Variants in ZNF626 observed in about 807,000 individuals in gnomAD.
ZNF626 encodes the protein zinc finger protein 626, also known as CTC-513N18.7.
In ZNF626, 4 loss-of-function variants were observed where a neutral mutation model predicts 11.7. The observed-to-expected ratio is 0.34, with a 90% CI of 0.17 to 0.78. The LOEUF is 0.78. ZNF626 is among the 30% of genes least tolerant of loss of function. The pLI, the probability that ZNF626 is intolerant of heterozygous loss-of-function variation, is 0.57. For missense variants in ZNF626, 588 were observed against 587.1 expected (o/e 1.00, Z -0.01); for synonymous variants, 179 against 198.6 (o/e 0.90, Z 0.83).
chr19:20,638,974 G>A (rs1599479760), intron 3 of ZNF626, among the ~76,000 whole-genome samples: 1 of 152,238 alleles, frequency 6.6e-6, no homozygotes, highest in East Asian at 1.9e-4. Flanking sequence ...TAACAAAAAG[G>A]GGTATATTTG....
intron 3 of ZNF626, among the ~76,000 whole-genome samples, chr19:20,636,440 A>G (rs914525012): frequency 1.3e-5 from 2 of 152,150 alleles, no homozygotes; most frequent in South Asian, 4.1e-4. Flanking sequence ...AAAATATATA[A>G]CACAAAATAT....
chr19:20,657,992 CGGTG>C (rs1362727605), intron 1 of ZNF626, among the ~76,000 whole-genome samples: 5 of 151,846 alleles, frequency 3.3e-5, no homozygotes, highest in African/African-American at 1.2e-4. Flanking sequence ...CATACCTGTT[CGGTG>C]GTATGCTTAG....
At chr19:20,635,226 T>C (rs10854032) in intron 3 of ZNF626, among the ~76,000 whole-genome samples, 68,241 of 151,938 alleles carry the variant, frequency 0.45, 16,571 homozygotes, top group African/African-American at 0.64. Context: ...CGAAATTGGA[T>C]GAATTGGTAG....
intron 3 of ZNF626, among the ~76,000 whole-genome samples, chr19:20,634,528 A>T (rs1969945629): frequency 1.3e-5 from 2 of 152,234 alleles, no homozygotes; most frequent in Non-Finnish European, 2.9e-5. Context: ...AATATTTAGA[A>T]ATGATACAAC....
intron 1 of ZNF626, among the ~76,000 whole-genome samples, chr19:20,659,219 T>A (rs1970237514): frequency 6.6e-6 from 1 of 152,182 alleles, no homozygotes; most frequent in Non-Finnish European, 1.5e-5. Flanking sequence ...GAAATTCAGC[T>A]GAATTTGTCT....
At position 20,623,939 on chromosome 19, in the gene ZNF626, T is replaced by C. The variant is rs578078440; in HGVS notation, c.*351A>G. The C allele has an allele frequency of 2.3e-5, 9 of 393,394 alleles. No homozygotes were observed. In the East Asian group the frequency reaches 4.5e-4, roughly 20 times the overall value. The allele number at this position is 393,394 out of a possible 1,614,324, so 24.4% of individuals were successfully genotyped here. ...AAATCTGTCACATTCTTTATATTTG[T>C]AGAGTTTATATTTCATATCAATTCT... is the stretch of plus-strand genomic sequence containing the variant. On this transcript the variant is annotated 3_prime_UTR_variant, in exon 4 of 4. Coordinates refer to ENST00000601440, the MANE Select transcript of ZNF626 (RefSeq NM_001076675.3).
chr19:20,653,882 GC>G (rs1568462138), intron 1 of ZNF626, among the ~76,000 whole-genome samples: 1 of 152,080 alleles, frequency 6.6e-6, no homozygotes, highest in Non-Finnish European at 1.5e-5. Flanking sequence ...TAATTGAAGA[GC>G]TACTATAGTT....
At chr19:20,633,900 A>C (rs1364153824) in intron 3 of ZNF626, among the ~76,000 whole-genome samples, 1 of 152,136 alleles carries the variant, frequency 6.6e-6, no homozygotes, top group Non-Finnish European at 1.5e-5. Context: ...GGAGCTGTTG[A>C]CCAGAGCTGT....
chr19:20,645,354 C>T (rs200622283), intron 3 of ZNF626: 30 of 1,577,140 alleles, frequency 1.9e-5, no homozygotes, highest in East Asian at 1.4e-4. Flanking sequence ...GACATTTGTG[C>T]GTCCCAAAAA....
chr19:20,626,493 A>G (rs1969834080), intron 3 of ZNF626, among the ~76,000 whole-genome samples: 1 of 152,198 alleles, frequency 6.6e-6, no homozygotes, highest in South Asian at 2.1e-4. Flanking sequence ...CCAAGGTGGG[A>G]AAACCACATT....
chr19:20,643,585 A>C (rs1405391050), intron 3 of ZNF626, among the ~76,000 whole-genome samples: 1 of 152,210 alleles, frequency 6.6e-6, no homozygotes, highest in Admixed American at 6.6e-5. Flanking sequence ...ATATAGAAAG[A>C]AAAAAGGTAT....
At chr19:20,645,828 T>C (rs373745769) in intron 2 of ZNF626, 49 bp from the exon 3 acceptor site, 31 of 1,431,508 alleles carry the variant, frequency 2.2e-5, no homozygotes, top group Non-Finnish European at 2.9e-6. Context: ...GTTCTCCAAT[T>C]ACAAGCTAGT....
rs2144758635 is a variant in ZNF626, at chr19:20,622,460, T to C, written c.*1830A>G. 1 of 152,274 alleles carries C rather than the reference T, an allele frequency of 6.6e-6. No homozygotes were observed. Among genetic ancestry groups the C allele is most frequent in the East Asian group, 1.9e-4 (1 of 5,182 alleles). 9.4% of individuals were successfully genotyped at this position (152,274 alleles called of 1,614,324 possible). On this transcript the variant is annotated 3_prime_UTR_variant, in exon 4 of 4. Coordinates refer to ENST00000601440, the MANE Select transcript of ZNF626 (RefSeq NM_001076675.3). ...ACATTTTAATGTCCTTACTGTTTTA[T>C]AGAAAAGGTCATAAAGAATGCCCAA...
In ZNF626 at chr19:20,625,313, A is replaced by G. The variant is rs1555769440; in HGVS notation, c.564T>C (p.Leu188=). Residue 188 remains leucine, a synonymous_variant, in exon 4 of 4, where the codon CTT becomes CTC. Coordinates refer to ENST00000601440, the MANE Select transcript of ZNF626 (RefSeq NM_001076675.3). ...CGKAFKQFST[L]TTHKKIHTGG... is the part of the protein sequence containing the mutation. ...CAGTATGAATTTTCTTATGTGTAGT[A>G]AGAGTTGAGAACTGCTTAAAAGCTT... The G allele has an allele frequency of 6.2e-7, 1 of 1,613,556 alleles. No individual in the cohort carries two copies. Among genetic ancestry groups the G allele is most frequent in the Non-Finnish European group, 8.5e-7 (1 of 1,179,710 alleles).
rs991539114 is a variant in ZNF626 at position 20,660,244 on chromosome 19, A to T, written c.3+1200T>A. Among the ~76,000 whole-genome samples, 32 of 39,162 alleles carry T rather than the reference A, an allele frequency of 8.2e-4. No individual in the cohort carries two copies. The African/African-American group carries it at 0.018, about 22-fold the overall frequency. The allele number at this position is 39,162 out of a possible 152,430, so 25.7% of individuals were successfully genotyped here. ...GGGCACCACAAGCGACACTGTGTCT[A>T]AAAAAAAAAAAAAAAAAAAAAAAAT... On this transcript the variant is annotated intron_variant, in intron 1 of 3. Transcript: ENST00000601440.
At chr19:20,625,926 A>T (rs1301082390) in intron 3 of ZNF626, among the ~76,000 whole-genome samples, 1 of 152,172 alleles carries the variant, frequency 6.6e-6, no homozygotes, top group South Asian at 2.1e-4. Flanking sequence ...ACTTATACAC[A>T]ACACAGCTGG....
intron 3 of ZNF626, chr19:20,645,124 A>G (rs1970061056): frequency 1.6e-6 from 1 of 614,240 alleles, no homozygotes; most frequent in African/African-American, 1.9e-5. Flanking sequence ...TGAAACTAAA[A>G]TAAACTTTGA....
In ZNF626 at chr19:20,623,903, A is replaced by G; in HGVS notation, c.*387T>C. 2.8e-6 allele frequency: 1 copy of G among 357,296 alleles called. No homozygotes were observed. Among genetic ancestry groups the G allele is most frequent in the Non-Finnish European group, 5.4e-6 (1 of 183,924 alleles). The allele number at this position is 357,296 out of a possible 1,614,324, so 22.1% of individuals were successfully genotyped here. A position where few individuals can be genotyped will look rare whatever the true frequency, so the allele number is the denominator to read the frequency against. On this transcript the variant is annotated 3_prime_UTR_variant, in exon 4 of 4. Transcript: ENST00000601440. ...GAATTATGTGTAATAAAGGTTGAGA[A>G]GTTCCTTAAAAAATCTGTCACATTC...
chr19:20,657,134 C>T (rs1555773202), intron 1 of ZNF626, among the ~76,000 whole-genome samples: 1 of 152,046 alleles, frequency 6.6e-6, no homozygotes, highest in African/African-American at 2.4e-5. Flanking sequence ...TTTTGGGAGG[C>T]CGAGGCAGGT....
Sources: gnomAD v4.1 joint callset for allele counts (sites outside exome capture counted in the v4.1 genomes callset) on GRCh38, gnomAD v4.1.1 for gene constraint, MANE v1.5 for transcripts, NCBI Gene and HGNC (gene_info 2026-07-23, HGNC 2026-07-21) for gene names.